NUP205: variants seen among roughly 807,000 people sequenced by gnomAD.
The protein encoded by NUP205 is nuclear pore complex protein Nup205.
A neutral mutation model predicts 253.8 loss-of-function variants in NUP205; 76 were observed. That is an observed-to-expected ratio of 0.30 (90% CI 0.25 to 0.36). NUP205 has a LOEUF of 0.36. NUP205 is among the 10% of genes least tolerant of loss of function. The pLI, the probability that NUP205 is intolerant of heterozygous loss-of-function variation, is 1.00. For missense variants in NUP205, 2,162 were observed against 2,425.5 expected, an observed-to-expected ratio of 0.89 and a Z score of 2.28; for synonymous variants, 832 against 850.1, an observed-to-expected ratio of 0.98 and a Z score of 0.37.
intron 30 of NUP205, among the ~76,000 whole-genome samples, chr7:135,620,226 T>G (rs922303367): frequency 6.6e-6 from 1 of 152,166 alleles, no homozygotes; most frequent in Admixed American, 6.5e-5. Context: ...AGAGTACTTA[T>G]CTAGTTGATT....
chr7:135,591,788 A>G lies in NUP205; in HGVS notation c.1624+188A>G, dbSNP rs558082142. On this transcript the variant is annotated intron_variant, in intron 11 of 42. Transcript: ENST00000285968. ...AGTGATGCTGTGATTATGGTCTCAC[A>G]GATTGGGGAGTTTTGTCATTCTCCT... 4.4e-4 allele frequency among the ~76,000 whole-genome samples: 67 copies of G among 152,360 alleles called. No homozygotes were observed. In the South Asian group the frequency reaches 0.013, roughly 31 times the overall value.
chr7:135,648,256 T>G (rs1795051070), intron 42 of NUP205, 148 bp from the exon 43 acceptor site: 1 of 617,578 alleles, frequency 1.6e-6, no homozygotes. Flanking sequence ...GTTTAGTTAA[T>G]TTAGTAACAC....
In NUP205 at chr7:135,577,998, T is replaced by G; in HGVS notation, c.851T>G (p.Ile284Arg). The change falls in exon 6 of 43, where the codon ATA (isoleucine) becomes AGA (arginine). Residue 284 changes from isoleucine to arginine, a missense_variant. This residue lies in a region of NUP205 where 892 missense variants were observed against 957.1 expected (regional missense o/e 0.93). Transcript: ENST00000285968. ...ALLYCFDISF[I>R]EQSTEERDDM... Reference sequence around the variant, plus strand: ...CTATACTGTTTTGATATCAGTTTTATAGAGCAAAGCACAGAGGAACGAGAT... The same window carrying G: ...CTATACTGTTTTGATATCAGTTTTAGAGAGCAAAGCACAGAGGAACGAGAT... 6.2e-7 allele frequency: 1 copy of G among 1,613,512 alleles called. No individual in the cohort carries two copies.
chr7:135,642,843 GGTGTGTGTGTGTGTGTGT>G (rs57007288), intron 38 of NUP205, among the ~76,000 whole-genome samples: 3 of 144,886 alleles, frequency 2.1e-5, no homozygotes, highest in Admixed American at 6.9e-5. Flanking sequence ...GATGTGGAGG[GGTGTGTGTGTGTGTGTGT>G]GTGTGTGTGT....
chr7:135,616,014 C>T lies in NUP205; in HGVS notation c.3409C>T (p.Gln1137Ter). ...TCTGAATCGTCAGCGGTCACATACC[C>T]AGAGGCTCCTACACCTCTTACTGGA... is the stretch of plus-strand genomic sequence containing the variant. ...TSLNRQRSHTQRLLHLLLDDM... is the reference protein window; with the variant it reads ...TSLNRQRSHT Residue 1137 changes from glutamine to a stop codon, truncating the protein, a stop_gained, in exon 24 of 43, where the codon CAG becomes TAG. Transcript: ENST00000285968. LOFTEE classifies it high-confidence loss of function. The T allele has an allele frequency of 6.2e-7, 1 of 1,613,770 alleles. No homozygotes were observed.
At chr7:135,571,761 G>A (rs753712325) in intron 2 of NUP205, among the ~76,000 whole-genome samples, 2 of 151,048 alleles carry the variant, frequency 1.3e-5, no homozygotes, top group Non-Finnish European at 2.9e-5. Context: ...ATTATTATTG[G>A]CTATCACCCT....
At chr7:135,565,986 C>T (rs750691607) in intron 1 of NUP205, among the ~76,000 whole-genome samples, 1 of 152,144 alleles carries the variant, frequency 6.6e-6, no homozygotes, top group Non-Finnish European at 1.5e-5. Context: ...GCAGAGAAAT[C>T]TGATTTTTTT....
chr7:135,568,861 A>G (rs1034280736), intron 1 of NUP205, among the ~76,000 whole-genome samples: 1 of 152,108 alleles, frequency 6.6e-6, no homozygotes, highest in African/African-American at 2.4e-5. Context: ...CTCATCCTTC[A>G]AATGCTGCAC....
At chr7:135,584,154 C>T (rs1806393560) in intron 7 of NUP205, among the ~76,000 whole-genome samples, 1 of 152,022 alleles carries the variant, frequency 6.6e-6, no homozygotes, top group South Asian at 2.1e-4. Context: ...CAAATACTTA[C>T]TGGTAAAATG....
Position 135,593,089 on chromosome 7 carries a change from C to G in NUP205, c.1727C>G (p.Ala576Gly). 6.2e-7 allele frequency: 1 copy of G among 1,613,968 alleles called. No individual in the cohort carries two copies. Among genetic ancestry groups the G allele is most frequent in the South Asian group, 1.1e-5 (1 of 91,070 alleles). ...CACCTTCGGAAGGATCTTCCAAGTG[C>G]AGATAGTGTCCAGTACCGTCACCTT... ...HEHLRKDLPSADSVQYRHLPS... is the reference protein window; with the variant it reads ...HEHLRKDLPSGDSVQYRHLPS... Residue 576 changes from alanine to glycine, a missense_variant, in exon 12 of 43, where the codon GCA becomes GGA. Ala to Gly is a moderately conservative substitution (Grantham distance 60). Transcript: ENST00000285968.
rs747666732 is a variant in NUP205 at position 135,587,863 on chromosome 7, G to C, written c.1344G>C (p.Glu448Asp). 1 of 1,611,806 alleles carries C rather than the reference G, an allele frequency of 6.2e-7. No homozygotes were observed. The highest frequency in any genetic ancestry group is 8.5e-7 in the Non-Finnish European group (1 of 1,179,174). ...DLEHLMLLIGELYKKNPFHLE... is the reference protein window; with the variant it reads ...DLEHLMLLIGDLYKKNPFHLE... ...TTGCTTACTCTTTGCAGATTGGCGA[G>C]CTATATAAAAAGAACCCTTTTCATC... The change falls in exon 10 of 43, where the codon GAG becomes GAC. Residue 448 changes from glutamate to aspartate, a missense_variant. Physicochemically the swap from Glu to Asp is conservative, Grantham distance 45. This residue lies in a region of NUP205 where 892 missense variants were observed against 957.1 expected (regional missense o/e 0.93). Transcript: ENST00000285968.
At chr7:135,626,521 G>C (rs2129491796) in intron 33 of NUP205, among the ~76,000 whole-genome samples, 160 bp downstream of exon 33, 1 of 152,260 alleles carries the variant, frequency 6.6e-6, no homozygotes, top group Non-Finnish European at 1.5e-5. Context: ...ATAAATGGAA[G>C]TTGCTACTAG....
intron 1 of NUP205, among the ~76,000 whole-genome samples, chr7:135,569,273 A>G (rs1244820889): frequency 6.6e-6 from 1 of 152,118 alleles, no homozygotes; most frequent in Non-Finnish European, 1.5e-5. Flanking sequence ...GGGTTTCACC[A>G]TGTAGGCCAG....
chr7:135,560,482 A>T (rs922054062), intron 1 of NUP205, among the ~76,000 whole-genome samples: 2 of 152,352 alleles, frequency 1.3e-5, no homozygotes, highest in Middle Eastern at 3.4e-3. Context: ...CTGGTTTTTT[A>T]AAAAACTAAA....
At chr7:135,589,433 C>T (rs1806563427) in intron 10 of NUP205, among the ~76,000 whole-genome samples, 1 of 150,874 alleles carries the variant, frequency 6.6e-6, no homozygotes, top group South Asian at 2.1e-4. Context: ...GGGTTATAGA[C>T]ATGCGCCACC....
Position 135,617,690 on chromosome 7 carries a change from C to G in NUP205, c.3771+8C>G, listed in dbSNP as rs1470829012. ...AGACCTCTACTAATGGAGGTAAGCT[C>G]TATTGAGTATGTGTTCGTTTCAAAC... On this transcript the variant is annotated splice_region_variant and intron_variant, in intron 27 of 42. Transcript: ENST00000285968. 5 of 1,570,812 alleles carry G rather than the reference C, an allele frequency of 3.2e-6. No homozygotes were observed. Among genetic ancestry groups the G allele is most frequent in the East Asian group, 2.2e-5 (1 of 44,630 alleles).
chr7:135,587,862 A>C lies in NUP205; in HGVS notation c.1343A>C (p.Glu448Ala). The part of the protein sequence containing the change: ...DLEHLMLLIG[E>A]LYKKNPFHLE... ...TTTGCTTACTCTTTGCAGATTGGCG[A>C]GCTATATAAAAAGAACCCTTTTCAT... Residue 448 changes from glutamate (E) to alanine (A), a missense_variant, in exon 10 of 43, where the codon GAG becomes GCG. This residue lies in a region of NUP205 where 892 missense variants were observed against 957.1 expected (regional missense o/e 0.93). Coordinates refer to ENST00000285968, the MANE Select transcript of NUP205 (RefSeq NM_015135.3). 1 of 1,611,804 alleles carries C rather than the reference A, an allele frequency of 6.2e-7. No individual in the cohort carries two copies. The highest frequency in any genetic ancestry group is 8.5e-7 in the Non-Finnish European group (1 of 1,179,172).
Position 135,618,538 on chromosome 7 carries a change from G to C in NUP205, c.3898G>C (p.Asp1300His). ...AATTATACTGACAGCTTGTCCCCAG[G>C]ACCTCATTCAGGCAGAGGATCGACA... is the stretch of plus-strand genomic sequence containing the variant. ...VEIILTACPQ[D>H]LIQAEDRQLI... The change falls in exon 28 of 43, where the codon GAC (aspartate) becomes CAC (histidine). Residue 1300 changes from aspartate (D) to histidine (H), a missense_variant. Asp to His is a moderately conservative substitution (Grantham distance 81, BLOSUM62 -1). Transcript: ENST00000285968. 6.2e-7 allele frequency: 1 copy of C among 1,613,836 alleles called. No individual in the cohort carries two copies. Among genetic ancestry groups the C allele is most frequent in the South Asian group, 1.1e-5 (1 of 91,008 alleles).
Position 135,577,094 on chromosome 7 carries a change from A to G in NUP205, c.614A>G (p.Glu205Gly), listed in dbSNP as rs1184093251. ...VNNEFEKLQR[E>G]RGLGSEKHRK... ...AATGAGTTTGAGAAACTACAGCGAGAGAGAGGTTTGGGCAGTGAAAAACAT... is the reference window on the plus strand; with the variant it reads ...AATGAGTTTGAGAAACTACAGCGAGGGAGAGGTTTGGGCAGTGAAAAACAT... The change falls in exon 5 of 43, where the codon GAG becomes GGG. Residue 205 changes from glutamate (E) to glycine (G), a missense_variant. Around this residue, in one of 5 missense-constraint regions of NUP205, gnomAD observed 892 missense variants for 957.1 expected, o/e 0.93. Coordinates refer to ENST00000285968, the MANE Select transcript of NUP205 (RefSeq NM_015135.3). The G allele has an allele frequency of 6.2e-6, 10 of 1,613,818 alleles. No individual in the cohort carries two copies. Among genetic ancestry groups the G allele is most frequent in the Non-Finnish European group, 8.5e-6 (10 of 1,179,942 alleles).
Sources: gnomAD v4.1 joint callset for allele counts (sites outside exome capture counted in the v4.1 genomes callset) on GRCh38, gnomAD v4.1.1 for gene constraint, gnomAD v4.1.1 regional missense constraint, MANE v1.5 for transcripts, NCBI Gene and HGNC (gene_info 2026-07-23, HGNC 2026-07-21) for gene names.